Variants in SLC13A5 observed in about 807,000 individuals in gnomAD.
SLC13A5 encodes the protein Na(+)/citrate cotransporter.
In SLC13A5, 25 loss-of-function variants were observed where a neutral mutation model predicts 56.5. The observed-to-expected ratio is 0.44, with a 90% CI of 0.32 to 0.62. The LOEUF (loss-of-function observed/expected upper bound fraction) is 0.62, where lower values mean the gene tolerates loss of function less well. Among genes scored for constraint, SLC13A5 ranks in the 20% least tolerant of loss-of-function variants. The probability of loss-of-function intolerance (pLI) is 0.04; values close to 1 mark genes in which losing one functional copy is unlikely to be tolerated. For synonymous variants in SLC13A5, 307 were observed against 301.5 expected (o/e 1.02, Z -0.19); for missense variants, 649 against 737.8 (o/e 0.88, Z 1.39).
chr17:6,690,060 GCAAAAA>G (rs1444483548), intron 10 of SLC13A5: 75 of 7,942 alleles, frequency 9.4e-3, no homozygotes, highest in African/African-American at 0.026. Flanking sequence ...AGAAGGAAAT[GCAAAAA>G]AAAAAAAAAA....
chr17:6,700,394 C>A (rs1003706214), intron 6 of SLC13A5, among the ~76,000 whole-genome samples: 4 of 152,146 alleles, frequency 2.6e-5, no homozygotes, highest in Non-Finnish European at 5.9e-5. Context: ...ATAATCACTG[C>A]TGGTTTTACT....
intron 6 of SLC13A5, among the ~76,000 whole-genome samples, chr17:6,696,779 A>G (rs1185245156): frequency 6.6e-6 from 1 of 152,128 alleles, no homozygotes; most frequent in East Asian, 1.9e-4. Flanking sequence ...GGGCAAGGCC[A>G]AGAGTATTGT....
In SLC13A5 at chr17:6,685,997, C is replaced by T. The variant is rs1427151493; in HGVS notation, c.*210G>A. 4.4e-6 allele frequency: 3 copies of T among 680,634 alleles called. No homozygotes were observed. Among genetic ancestry groups the T allele is most frequent in the East Asian group, 2.7e-5 (1 of 36,880 alleles). 42.2% of individuals were successfully genotyped at this position (680,634 alleles called of 1,614,324 possible). ...GTCCAGCAGCCCACTGAGGGGTTCC[C>T]TTCATTTCTGAGCCTACCCTCCAGC... On this transcript the variant is annotated 3_prime_UTR_variant, in exon 12 of 12. Transcript: ENST00000433363. This position sits in a 1 kb window ranked among gnomAD's most constrained non-coding sequence, Gnocchi z 4.2.
Position 6,691,593 on chromosome 17 carries a change from C to T in SLC13A5, c.1276-653G>A, listed in dbSNP as rs190243525. ...TCAGGGAGAACAGAGAAGTCAGCAA[C>T]GAAGGCTGAGCAGGAATAGTCTGAG... On this transcript the variant is annotated intron_variant, in intron 9 of 11. Transcript: ENST00000433363. Among the ~76,000 whole-genome samples the T allele has an allele frequency of 1.6e-3, 239 of 152,254 alleles. 1 individual carries two copies. The highest frequency in any genetic ancestry group is 4.3e-3 in the African/African-American group (177 of 41,558).
chr17:6,710,315 T>C (rs767682160), intron 1 of SLC13A5, among the ~76,000 whole-genome samples: 7 of 152,252 alleles, frequency 4.6e-5, no homozygotes, highest in Non-Finnish European at 7.3e-5. Context: ...TTCTAAACAA[T>C]GTCGCTCATA....
chr17:6,687,313 C>A lies in SLC13A5; in HGVS notation c.1575+216G>T. The A allele has an allele frequency of 1.6e-6, 1 of 621,362 alleles. No individual in the cohort carries two copies. Among genetic ancestry groups the A allele is most frequent in the Non-Finnish European group, 2.6e-6 (1 of 381,144 alleles). The allele number at this position is 621,362 out of a possible 1,614,324, so 38.5% of individuals were successfully genotyped here. On this transcript the variant is annotated intron_variant, in intron 11 of 11. Coordinates refer to ENST00000433363, the MANE Select transcript of SLC13A5 (RefSeq NM_177550.5). The surrounding 1 kb of genome is among the most constrained non-coding windows in gnomAD (Gnocchi z 5.0). ...TCTCCAGGTGGGAGAGTCTATAACC[C>A]ACCTCAGAGAAAGAACAGTGTGTGA...
chr17:6,702,787 CAGGGG>C (rs2151493567), intron 5 of SLC13A5, among the ~76,000 whole-genome samples, 178 bp downstream of exon 5: 3 of 152,286 alleles, frequency 2.0e-5, no homozygotes, highest in Admixed American at 2.0e-4. Flanking sequence ...TGTGTGGGCA[CAGGGG>C]TGCCAGGACA....
At chr17:6,700,540 G>T (rs778869335) in intron 6 of SLC13A5, among the ~76,000 whole-genome samples, 1 of 152,212 alleles carries the variant, frequency 6.6e-6, no homozygotes, top group African/African-American at 2.4e-5. Context: ...GAACTGGCAC[G>T]TGGGGACCAG....
chr17:6,707,883 G>A (rs975916915), intron 1 of SLC13A5, among the ~76,000 whole-genome samples: 3 of 152,192 alleles, frequency 2.0e-5, no homozygotes, highest in Admixed American at 6.5e-5. Context: ...CGAAAACTAC[G>A]TGTACCCCTA....
chr17:6,700,086 T>C (rs1268227244), intron 6 of SLC13A5, among the ~76,000 whole-genome samples: 1 of 152,208 alleles, frequency 6.6e-6, no homozygotes, highest in Non-Finnish European at 1.5e-5. Flanking sequence ...GAACTTCCTG[T>C]GGATGGAGGC....
intron 1 of SLC13A5, among the ~76,000 whole-genome samples, chr17:6,708,797 C>T (rs770451829): frequency 1.2e-4 from 19 of 152,166 alleles, no homozygotes; most frequent in Admixed American, 3.3e-4. Context: ...CACACTGACA[C>T]GCACGCCCAC....
chr17:6,696,031 T>C lies in SLC13A5; in HGVS notation c.840-90A>G, dbSNP rs557415050. The C allele has an allele frequency of 7.2e-4, 896 of 1,243,810 alleles. 9 individuals are homozygous for C. In the African/African-American group the frequency reaches 0.012, roughly 16 times the overall value. The allele number at this position is 1,243,810 out of a possible 1,614,324, so 77.0% of individuals were successfully genotyped here. On this transcript the variant is annotated intron_variant, in intron 6 of 11. Coordinates refer to ENST00000433363, the MANE Select transcript of SLC13A5 (RefSeq NM_177550.5). ...AGCCTAAATGTTCTACAGCAGAATG[T>C]AGCAAAAAGACACATAATGCTGTCC...
In SLC13A5 at chr17:6,692,951, A is replaced by AG. The variant is rs1973450435; in HGVS notation, c.1275+92dup. The AG allele has an allele frequency of 1.0e-6, 1 of 959,396 alleles. No individual in the cohort carries two copies. The highest frequency in any genetic ancestry group is 1.7e-6 in the Non-Finnish European group (1 of 586,576). 59.4% of individuals were successfully genotyped at this position (959,396 alleles called of 1,614,324 possible). The stretch of plus-strand genomic sequence containing the variant: ...GCGGTTATACGAAGGATGCAGGCAC[A>AG]GAAACACACAAGCCCAGGGATGGAA... On this transcript the variant is annotated intron_variant, in intron 9 of 11. Transcript: ENST00000433363. The surrounding 1 kb of genome is among the most constrained non-coding windows in gnomAD (Gnocchi z 5.5).
rs185004079 is a variant in SLC13A5, at chr17:6,706,969, C to G, written c.231+59G>C. On this transcript the variant is annotated intron_variant, in intron 2 of 11. Transcript: ENST00000433363. ...AGGCCTGTGCGACTCACAGTGGGGA[C>G]TAGAGAAAGAGAGAAGGGGAGAACC... 2.0e-3 allele frequency: 3,290 copies of G among 1,606,026 alleles called. 76 individuals are homozygous for G. In the Admixed American group the frequency reaches 0.049, roughly 24 times the overall value.
chr17:6,712,261 T>G (rs1421131166), intron 1 of SLC13A5, among the ~76,000 whole-genome samples: 1 of 152,046 alleles, frequency 6.6e-6, no homozygotes, highest in African/African-American at 2.4e-5. Context: ...CAAACCTGCC[T>G]GGGGAGGGGA....
At chr17:6,708,911 T>C (rs218679) in intron 1 of SLC13A5, among the ~76,000 whole-genome samples, 118,511 of 152,076 alleles carry the variant, frequency 0.78, 46,525 homozygotes, top group African/African-American at 0.86. Context: ...CATGTGGACA[T>C]GAGGGTAATG....
Position 6,698,155 on chromosome 17 carries a change from T to C in SLC13A5, c.840-2214A>G, listed in dbSNP as rs192789398. ...GAGCCAAAACAAAGCTGCCGTGAGC[T>C]ACCCCGGCCAGCCACACTGCATGCG... On this transcript the variant is annotated intron_variant, in intron 6 of 11. Transcript: ENST00000433363. 1.6e-3 allele frequency among the ~76,000 whole-genome samples: 246 copies of C among 152,338 alleles called. 1 individual carries two copies. Among genetic ancestry groups the C allele is most frequent in the African/African-American group, 4.4e-3 (181 of 41,580 alleles).
chr17:6,693,182 C>T lies in SLC13A5; in HGVS notation c.1157-20G>A. 4.1e-6 allele frequency: 1 copy of T among 241,612 alleles called. No individual in the cohort carries two copies. The highest frequency in any genetic ancestry group is 3.7e-5 in the South Asian group (1 of 27,022). The allele number at this position is 241,612 out of a possible 1,614,324, so 15.0% of individuals were successfully genotyped here. A position where few individuals can be genotyped will look rare whatever the true frequency, so the allele number is the denominator to read the frequency against. On this transcript the variant is annotated intron_variant, in intron 8 of 11. Transcript: ENST00000433363. ...TCCTTTCTGGGAAGAAAAAGAAACA[C>T]ACACACACACACACACACACACACA...
rs531434336 is a variant in SLC13A5, at chr17:6,686,100, G to A, written c.*107C>T. 8.0e-5 allele frequency: 121 copies of A among 1,513,588 alleles called. No homozygotes were observed. Among genetic ancestry groups the A allele is most frequent in the Admixed American group, 4.9e-4 (27 of 55,214 alleles). The allele number at this position is 1,513,588 out of a possible 1,614,324, so 93.8% of individuals were successfully genotyped here. A position where few individuals can be genotyped will look rare whatever the true frequency, so the allele number is the denominator to read the frequency against. On this transcript the variant is annotated 3_prime_UTR_variant, in exon 12 of 12. Transcript: ENST00000433363. ...TGGGTTTTGGTGGTGTGTGGACATC[G>A]TTGGGTCATTTTGGGGTGTGAACCC...
Sources: allele counts gnomAD v4.1 joint callset (sites outside exome capture counted in the v4.1 genomes callset), GRCh38; gene constraint gnomAD v4.1.1; non-coding constraint Gnocchi (gnomAD v3.1); transcripts MANE v1.5; gene names NCBI Gene and HGNC (gene_info 2026-07-23, HGNC 2026-07-21).